Variants in TEX264 observed in about 807,000 individuals in gnomAD.
TEX264 encodes the protein testis-expressed protein 264.
A neutral mutation model predicts 23.4 loss-of-function variants in TEX264; 13 were observed. The observed-to-expected ratio is 0.56, with a 90% CI of 0.36 to 0.88. The LOEUF is 0.88. TEX264 is among the 40% of genes least tolerant of loss of function. The pLI is 0.01. For missense variants in TEX264, 340 were observed against 406.8 expected, an observed-to-expected ratio of 0.84 and a Z score of 1.41; for synonymous variants, 159 against 170.0, an observed-to-expected ratio of 0.94 and a Z score of 0.50.
chr3:51,681,360 C>T (rs1416477667), intron 2 of TEX264: 1 of 152,370 alleles, frequency 6.6e-6, no homozygotes, highest in Admixed American at 6.5e-5. Flanking sequence ...ACCTTTTTGC[C>T]TAGAGGCCTG....
chr3:51,686,899 T>G lies in TEX264; in HGVS notation c.480+2265T>G, dbSNP rs1481599117. Among the ~76,000 whole-genome samples, 1 of 152,188 alleles carries G rather than the reference T, an allele frequency of 6.6e-6. No homozygotes were observed. The highest frequency in any genetic ancestry group is 1.5e-5 in the Non-Finnish European group (1 of 68,034). On this transcript the variant is annotated intron_variant, in intron 3 of 4. Coordinates refer to ENST00000341333, the MANE Select transcript of TEX264 (RefSeq NM_015926.6). This position sits in a 1 kb window ranked among gnomAD's most constrained non-coding sequence, Gnocchi z 4.1. Reference sequence around the variant, plus strand: ...ACAGGACATGTGGCATGTGGTGTGGTGGTGAGCAACTCAGCCACCAAAGCC... The same window carrying G: ...ACAGGACATGTGGCATGTGGTGTGGGGGTGAGCAACTCAGCCACCAAAGCC...
At chr3:51,694,510 A>C (rs142098507) in intron 3 of TEX264, 1 of 152,348 alleles carries the variant, frequency 6.6e-6, no homozygotes, top group Non-Finnish European at 1.5e-5. Flanking sequence ...TCCAAGTACT[A>C]ACTAGACCCG....
intron 4 of TEX264, among the ~76,000 whole-genome samples, chr3:51,701,674 C>G (rs1437808764): frequency 3.3e-5 from 5 of 151,818 alleles, no homozygotes; most frequent in Non-Finnish European, 7.4e-5. Context: ...CTTTTTTGCC[C>G]AGGCTGGAGT....
At position 51,686,758 on chromosome 3, in the gene TEX264, C is replaced by T. The variant is rs1366231207; in HGVS notation, c.480+2124C>T. ...TTAGTGTGCTGCCTCTGGGGAGTCCCGCCCCATTTCATTCAAGGAAGGCCT... is the reference window on the plus strand; with the variant it reads ...TTAGTGTGCTGCCTCTGGGGAGTCCTGCCCCATTTCATTCAAGGAAGGCCT... On this transcript the variant is annotated intron_variant, in intron 3 of 4. Coordinates refer to ENST00000341333, the MANE Select transcript of TEX264 (RefSeq NM_015926.6). The surrounding 1 kb of genome is among the most constrained non-coding windows in gnomAD (Gnocchi z 4.1). 2.0e-5 allele frequency among the ~76,000 whole-genome samples: 3 copies of T among 152,012 alleles called. No homozygotes were observed. Among genetic ancestry groups the T allele is most frequent in the South Asian group, 2.1e-4 (1 of 4,814 alleles).
chr3:51,687,306 G>C (rs1031744680), intron 3 of TEX264, among the ~76,000 whole-genome samples: 1 of 152,222 alleles, frequency 6.6e-6, no homozygotes, highest in Non-Finnish European at 1.5e-5. Flanking sequence ...GCGTCTTGGG[G>C]AACAAAGCCA....
intron 4 of TEX264, among the ~76,000 whole-genome samples, chr3:51,700,084 A>T (rs1703234352): frequency 6.6e-6 from 1 of 152,032 alleles, no homozygotes. Flanking sequence ...GGGAGCCAGG[A>T]GATCAGTCAC....
intron 2 of TEX264, among the ~76,000 whole-genome samples, chr3:51,678,090 TAC>T (rs532875773): frequency 5.3e-5 from 8 of 152,150 alleles, no homozygotes; most frequent in Non-Finnish European, 1.2e-4. Context: ...AGATCTCCCT[TAC>T]ACACACTGGT....
intron 3 of TEX264, among the ~76,000 whole-genome samples, chr3:51,687,150 G>GTA (rs1476746861): frequency 6.6e-6 from 1 of 152,236 alleles, no homozygotes; most frequent in Non-Finnish European, 1.5e-5. Context: ...AGACAGGTGT[G>GTA]AGGCATGCTT....
At chr3:51,676,191 C>G (rs559280956) in intron 2 of TEX264, among the ~76,000 whole-genome samples, 2 of 152,220 alleles carry the variant, frequency 1.3e-5, no homozygotes, top group East Asian at 1.9e-4. Context: ...CCCTGCCCCC[C>G]CTTCCACACC....
chr3:51,687,293 CT>C (rs1702657372), intron 3 of TEX264, among the ~76,000 whole-genome samples: 1 of 152,216 alleles, frequency 6.6e-6, no homozygotes, highest in Non-Finnish European at 1.5e-5. Context: ...TTAGCCTGAC[CT>C]TGCGTCTTGG....
chr3:51,674,136 C>G, intron 1 of TEX264, 135 bp from the exon 2 acceptor site: 1 of 823,192 alleles, frequency 1.2e-6, no homozygotes, highest in African/African-American at 1.7e-5. Context: ...GTGTAAACAC[C>G]TCTGGCCCCT....
At chr3:51,677,607 G>A (rs1481026324) in intron 2 of TEX264, among the ~76,000 whole-genome samples, 2 of 152,196 alleles carry the variant, frequency 1.3e-5, no homozygotes, top group Non-Finnish European at 2.9e-5. Context: ...CCCACCCCAT[G>A]AGGTGTGACG....
chr3:51,703,547 C>T lies in TEX264; in HGVS notation c.650-177C>T, dbSNP rs1703399991. Among the ~76,000 whole-genome samples, 1 of 146,054 alleles carries T rather than the reference C, an allele frequency of 6.8e-6. No homozygotes were observed. Among genetic ancestry groups the T allele is most frequent in the South Asian group, 2.4e-4 (1 of 4,138 alleles). ...CTCCCTCCCTTCCTCCCAGCTCTTT[C>T]CCTCTGCCCTGTCTGTGCAGCCCCA... On this transcript the variant is annotated intron_variant, in intron 4 of 4. Transcript: ENST00000341333. This position sits in a 1 kb window ranked among gnomAD's most constrained non-coding sequence, Gnocchi z 4.8.
chr3:51,701,226 A>C (rs1299947128), intron 4 of TEX264, among the ~76,000 whole-genome samples: 2 of 151,732 alleles, frequency 1.3e-5, no homozygotes, highest in South Asian at 2.1e-4. Context: ...CTTGCCTGGT[A>C]TCTTCTGCCC....
In TEX264 at chr3:51,686,675, G is replaced by T. The variant is rs949618021; in HGVS notation, c.480+2041G>T. 6.6e-6 allele frequency among the ~76,000 whole-genome samples: 1 copy of T among 152,036 alleles called. No individual in the cohort carries two copies. The highest frequency in any genetic ancestry group is 1.5e-5 in the Non-Finnish European group (1 of 67,982). On this transcript the variant is annotated intron_variant, in intron 3 of 4. Coordinates refer to ENST00000341333, the MANE Select transcript of TEX264 (RefSeq NM_015926.6). The surrounding 1 kb of genome is among the most constrained non-coding windows in gnomAD (Gnocchi z 4.1). ...GCCTGGCTGCGGTTGGACTGGAGGT[G>T]GGGGCGGGCTGGCTGGTGGTGTGGG...
chr3:51,679,238 G>A (rs557431677), intron 2 of TEX264, among the ~76,000 whole-genome samples: 23 of 152,288 alleles, frequency 1.5e-4, no homozygotes, highest in African/African-American at 4.8e-4. Flanking sequence ...CTACCTCAGG[G>A]TTTTTGTTTT....
At chr3:51,687,768 G>A (rs1702678871) in intron 3 of TEX264, among the ~76,000 whole-genome samples, 1 of 152,188 alleles carries the variant, frequency 6.6e-6, no homozygotes, top group Non-Finnish European at 1.5e-5. Flanking sequence ...TTGGGAGGTG[G>A]AGAGCAGCTG....
At chr3:51,688,634 G>T (rs1702710620) in intron 3 of TEX264, among the ~76,000 whole-genome samples, 1 of 152,196 alleles carries the variant, frequency 6.6e-6, no homozygotes, top group South Asian at 2.1e-4. Flanking sequence ...GTGTTACAGG[G>T]CATTGTTCAT....
At chr3:51,684,778 T>C (rs78054104) in intron 3 of TEX264, 144 bp downstream of exon 3, 1 of 732,746 alleles carries the variant, frequency 1.4e-6, no homozygotes, top group Non-Finnish European at 2.2e-6. Context: ...CCTGTGGAGC[T>C]AGGAAGATGG....
Sources: allele counts gnomAD v4.1 joint callset (sites outside exome capture counted in the v4.1 genomes callset), GRCh38; gene constraint gnomAD v4.1.1; non-coding constraint Gnocchi (gnomAD v3.1); transcripts MANE v1.5; gene names NCBI Gene and HGNC (gene_info 2026-07-23, HGNC 2026-07-21).